The following BAAT variants were observed in gnomAD, a reference collection of about 807,000 sequenced individuals.
BAAT encodes bile acid-CoA:amino acid N-acyltransferase.
Under a neutral mutation model 18.9 loss-of-function variants are expected in BAAT, and 13 were observed. The ratio of observed to expected loss-of-function variants is 0.69; its 90% CI spans 0.45 to 1.10. The LOEUF is 1.10. Ranked by LOEUF, BAAT falls within the 50% of genes least tolerant of loss-of-function variation. The probability of loss-of-function intolerance (pLI) is 0.00; values close to 1 mark genes in which losing one functional copy is unlikely to be tolerated. For missense variants in BAAT, 489 were observed against 504.0 expected, an observed-to-expected ratio of 0.97 and a Z score of 0.28; for synonymous variants, 170 against 190.7, an observed-to-expected ratio of 0.89 and a Z score of 0.89.
At chr9:101,370,743 G>A (rs1486726213) in intron 2 of BAAT, among the ~76,000 whole-genome samples, 196 bp downstream of exon 2, 1 of 152,122 alleles carries the variant, frequency 6.6e-6, no homozygotes, top group Non-Finnish European at 1.5e-5. Flanking sequence ...AACATTGATT[G>A]TAAGGCAGGA....
rs115215226 is a variant in BAAT at position 101,371,055 on chromosome 9, T to C, written c.350A>G (p.Lys117Arg). The C allele has an allele frequency of 2.0e-3, 3,244 of 1,613,972 alleles. 76 individuals carry two copies. The African/African-American group carries it at 0.039, about 19-fold the overall frequency. Reference protein sequence around the residue: ...LYDLELIVNNKVASAPKASLT... With the variant: ...LYDLELIVNNRVASAPKASLT... ...GCTGGCCTTTGGAGCACTGGCAACTTTATTGTTCACTATTAACTCTAAGTC... is the reference window on the plus strand; with the variant it reads ...GCTGGCCTTTGGAGCACTGGCAACTCTATTGTTCACTATTAACTCTAAGTC... The change falls in exon 2 of 4, where the codon AAA (lysine) becomes AGA (arginine). Residue 117 changes from lysine to arginine, a missense_variant. Physicochemically the swap from Lys to Arg is conservative, Grantham distance 26 (BLOSUM62 2). Transcript: ENST00000259407.
chr9:101,363,131 ACC>A (rs1829767547), intron 3 of BAAT, 116 bp from the exon 4 acceptor site: 1 of 945,234 alleles, frequency 1.1e-6, no homozygotes, highest in African/African-American at 1.7e-5. Flanking sequence ...TATTAATCCT[ACC>A]CACATCCCTA....
At chr9:101,367,077 C>T (rs1446158107) in intron 3 of BAAT, among the ~76,000 whole-genome samples, 1 of 142,828 alleles carries the variant, frequency 7.0e-6, no homozygotes, top group East Asian at 2.0e-4. Context: ...GTGCCACTGC[C>T]TCTAGCCTAG....
intron 1 of BAAT, among the ~76,000 whole-genome samples, chr9:101,373,365 A>G (rs966758507): frequency 2.0e-5 from 3 of 152,198 alleles, no homozygotes; most frequent in Admixed American, 6.5e-5. Flanking sequence ...TTATTTTTAA[A>G]TTCTGTGACT....
intron 1 of BAAT, chr9:101,375,310 T>G (rs1830019881): frequency 6.4e-6 from 1 of 156,072 alleles, no homozygotes; most frequent in South Asian, 2.0e-4. Context: ...TTACCTACTC[T>G]CAGGTATGTC....
At chr9:101,379,029 A>T (rs1195767675) in intron 1 of BAAT, among the ~76,000 whole-genome samples, 2 of 152,250 alleles carry the variant, frequency 1.3e-5, no homozygotes, top group East Asian at 3.8e-4. Context: ...AACCACAATG[A>T]GATAATATCT....
chr9:101,378,985 C>T (rs1281794724), intron 1 of BAAT, among the ~76,000 whole-genome samples: 5 of 152,192 alleles, frequency 3.3e-5, no homozygotes, highest in African/African-American at 1.2e-4. Context: ...AAAAAAAGCT[C>T]ATCATCACTG....
chr9:101,371,253 C>CT lies in BAAT; in HGVS notation c.151dup (p.Arg51LysfsTer4), dbSNP rs765717845. 19 of 1,613,076 alleles carry CT rather than the reference C, an allele frequency of 1.2e-5. No individual in the cohort carries two copies. In the Admixed American group the frequency reaches 3.2e-4, roughly 27 times the overall value. ...GTCCACCTCACCGAATTCATTGGCC[C>CT]TATAGTGGGCTTGAGAATAAAACAT... On this transcript the variant is annotated frameshift_variant, in exon 2 of 4. Coordinates refer to ENST00000259407, the MANE Select transcript of BAAT (RefSeq NM_001701.4). LOFTEE classifies it high-confidence loss of function.
intron 3 of BAAT, among the ~76,000 whole-genome samples, chr9:101,367,116 G>GAAAAAAAAAAAAA (rs66591298): frequency 1.0e-5 from 1 of 99,672 alleles, no homozygotes; most frequent in South Asian, 3.7e-4. Context: ...GTCAAAAAAA[G>GAAAAAAAAAAAAA]AAAAAAAAAA....
At chr9:101,383,631 T>G (rs1052796259) in intron 1 of BAAT, 1 of 152,218 alleles carries the variant, frequency 6.6e-6, no homozygotes, top group Non-Finnish European at 1.5e-5. Context: ...TCTAGTTTCC[T>G]ATTAATTTTT....
chr9:101,363,644 GAA>G (rs78881889), intron 3 of BAAT, among the ~76,000 whole-genome samples: 3 of 145,452 alleles, frequency 2.1e-5, no homozygotes, highest in African/African-American at 5.0e-5. Context: ...GACACAGGAG[GAA>G]AAAAAAAAAC....
At chr9:101,376,253 C>A in intron 1 of BAAT, 1 of 186,128 alleles carries the variant, frequency 5.4e-6, no homozygotes. Context: ...ATATTCCTGT[C>A]ACCTAGAGAC....
intron 1 of BAAT, among the ~76,000 whole-genome samples, chr9:101,381,914 G>A (rs952321713): frequency 6.6e-6 from 1 of 152,062 alleles, no homozygotes; most frequent in African/African-American, 2.4e-5. Flanking sequence ...AGAAATACAT[G>A]AGAGTCAGAA....
intron 1 of BAAT, among the ~76,000 whole-genome samples, chr9:101,380,744 G>A (rs1830119054): frequency 6.6e-6 from 1 of 152,056 alleles, no homozygotes; most frequent in African/African-American, 2.4e-5. Flanking sequence ...TGGATGAAAC[G>A]TGTATGTGTA....
intron 3 of BAAT, 113 bp downstream of exon 3, chr9:101,368,007 A>C: frequency 9.1e-7 from 1 of 1,104,296 alleles, no homozygotes; most frequent in Non-Finnish European, 1.3e-6. Flanking sequence ...GTGTCAGATC[A>C]TGCCACTGCA....
rs1280716066 is a variant in BAAT, at chr9:101,371,296, C to T, written c.109G>A (p.Glu37Lys). The change falls in exon 2 of 4, where the codon GAA (glutamate) becomes AAA (lysine). Residue 37 changes from glutamate (E) to lysine (K), a missense_variant. By Grantham distance (56) the Glu-to-Lys change is moderately conservative. Transcript: ENST00000259407. ...TAAAACATGTCTCCGTTTTCATCTT[C>T]CAGTGATGCCTGAAAACTCACCATC... ...FQMVSFQASLEDENGDMFYSQ... is the reference protein window; with the variant it reads ...FQMVSFQASLKDENGDMFYSQ... 1.9e-6 allele frequency: 3 copies of T among 1,613,502 alleles called. No individual in the cohort carries two copies. The highest frequency in any genetic ancestry group is 2.5e-6 in the Non-Finnish European group (3 of 1,179,624).
chr9:101,370,413 AG>A, intron 2 of BAAT, among the ~76,000 whole-genome samples: 1 of 150,178 alleles, frequency 6.7e-6, no homozygotes, highest in South Asian at 2.1e-4. Flanking sequence ...CCGAGGCTCA[AG>A]AGATCTTTCC....
chr9:101,362,463 T>C lies in BAAT; in HGVS notation c.1222A>G (p.Lys408Glu). Residue 408 changes from lysine (K) to glutamate (E), a missense_variant, in exon 4 of 4, where the codon AAG (lysine) becomes GAG (glutamate). Physicochemically the swap from Lys to Glu is moderately conservative, Grantham distance 56 (BLOSUM62 1). Coordinates refer to ENST00000259407, the MANE Select transcript of BAAT (RefSeq NM_001701.4). ...AWKEIQRFLR[K>E]HLIPDVTSQL ...CTGGTCACATCTGGAATGAGGTGCT[T>C]CCTGAGAAATCTCTGGATCTCCTTC... is the stretch of plus-strand genomic sequence containing the variant. 6.2e-7 allele frequency: 1 copy of C among 1,614,140 alleles called. No individual in the cohort carries two copies. The highest frequency in any genetic ancestry group is 1.1e-5 in the South Asian group (1 of 91,082).
intron 1 of BAAT, among the ~76,000 whole-genome samples, chr9:101,374,451 G>A (rs1420738875): frequency 6.6e-6 from 1 of 152,098 alleles, no homozygotes; most frequent in East Asian, 1.9e-4. Flanking sequence ...TACCTGAAAA[G>A]TGAACCAAGT....
Sources: allele counts gnomAD v4.1 joint callset (sites outside exome capture counted in the v4.1 genomes callset), GRCh38; gene constraint gnomAD v4.1.1; transcripts MANE v1.5; gene names NCBI Gene and HGNC (gene_info 2026-07-23, HGNC 2026-07-21).